SMAD9: variants seen among roughly 807,000 people sequenced by gnomAD.
SMAD9 encodes MAD homolog 9.
SMAD9 carries 36 observed loss-of-function variants against 46.1 expected under a neutral mutation model. The ratio of observed to expected loss-of-function variants is 0.78; its 90% CI spans 0.60 to 1.03. The LOEUF (loss-of-function observed/expected upper bound fraction) is 1.03, where lower values mean the gene tolerates loss of function less well. SMAD9 is among the 50% of genes least tolerant of loss of function. The pLI is 0.00. For synonymous variants in SMAD9, 245 were observed against 237.1 expected, an observed-to-expected ratio of 1.03 and a Z score of -0.31; for missense variants, 572 against 599.8, an observed-to-expected ratio of 0.95 and a Z score of 0.48.
Position 36,845,009 on chromosome 13 carries a change from AACTTGTCAT to A in SMAD9, c.*3658_*3666del, listed in dbSNP as rs2058029599. 6.6e-6 allele frequency: 1 copy of A among 152,120 alleles called. No homozygotes were observed. Among genetic ancestry groups the A allele is most frequent in the Non-Finnish European group, 1.5e-5 (1 of 68,028 alleles). 9.4% of individuals were successfully genotyped at this position (152,120 alleles called of 1,614,324 possible). A position where few individuals can be genotyped will look rare whatever the true frequency, so the allele number is the denominator to read the frequency against. ...ATTTAACATATGCTAGGATCACCTA[AACTTGTCAT>A]ACAGTTCTGCTATTAAAATCGTAAC... On this transcript the variant is annotated 3_prime_UTR_variant, in exon 7 of 7. Transcript: ENST00000379826.
chr13:36,912,268 T>C (rs1232528349), intron 1 of SMAD9, among the ~76,000 whole-genome samples: 1 of 152,094 alleles, frequency 6.6e-6, no homozygotes, highest in African/African-American at 2.4e-5. Flanking sequence ...CACCTTACCC[T>C]ACAAAAACCA....
At chr13:36,855,676 A>C (rs2058117428) in intron 5 of SMAD9, among the ~76,000 whole-genome samples, 1 of 152,214 alleles carries the variant, frequency 6.6e-6, no homozygotes, top group Non-Finnish European at 1.5e-5. Flanking sequence ...CGTTACTGAC[A>C]TAGCTGCTGG....
intron 3 of SMAD9, among the ~76,000 whole-genome samples, chr13:36,870,003 G>T (rs889186006): frequency 1.1e-4 from 16 of 152,092 alleles, no homozygotes; most frequent in African/African-American, 3.9e-4. Context: ...CCAGTAAATC[G>T]CAAAGGTTCC....
At chr13:36,897,807 T>TC (rs1172532468) in intron 1 of SMAD9, among the ~76,000 whole-genome samples, 1 of 151,808 alleles carries the variant, frequency 6.6e-6, no homozygotes, top group African/African-American at 2.4e-5. Flanking sequence ...TACCCAAAGT[T>TC]CATTAGTGGA....
At chr13:36,850,921 C>G (rs183166983) in intron 6 of SMAD9, among the ~76,000 whole-genome samples, 1 of 152,160 alleles carries the variant, frequency 6.6e-6, no homozygotes, top group Admixed American at 6.5e-5. Flanking sequence ...TTTTCTCCCA[C>G]GCCTGATCCG....
rs537064806 is a variant in SMAD9 at position 36,881,678 on chromosome 13, G to C, written c.-186-1803C>G. ...AGCTGCTCTTTTCGCTTGGCAGTTT[G>C]ACTTACACTCAGTTTTATTTGGAAA... On this transcript the variant is annotated intron_variant, in intron 1 of 6. Transcript: ENST00000379826. Among the ~76,000 whole-genome samples, 11 of 152,326 alleles carry C rather than the reference G, an allele frequency of 7.2e-5. 1 individual carries two copies. In the South Asian group the frequency reaches 2.3e-3, roughly 32 times the overall value.
At chr13:36,861,983 T>C (rs1036117538) in intron 5 of SMAD9, among the ~76,000 whole-genome samples, 2 of 151,292 alleles carry the variant, frequency 1.3e-5, no homozygotes, top group Admixed American at 6.6e-5. Context: ...TTAATCTCAA[T>C]AGAACAGCCA....
intron 1 of SMAD9, among the ~76,000 whole-genome samples, chr13:36,918,993 C>T (rs371170475): frequency 8.5e-5 from 13 of 152,252 alleles, no homozygotes; most frequent in African/African-American, 3.1e-4. Context: ...GGCAAGCCAC[C>T]GAAATGGTAC....
rs1448156968 is a variant in SMAD9 at position 36,845,929 on chromosome 13, C to G, written c.*2747G>C. The G allele has an allele frequency of 1.3e-5, 2 of 152,062 alleles. No homozygotes were observed. Among genetic ancestry groups the G allele is most frequent in the Non-Finnish European group, 2.9e-5 (2 of 68,026 alleles). The allele number at this position is 152,062 out of a possible 1,614,324, so 9.4% of individuals were successfully genotyped here. A position where few individuals can be genotyped will look rare whatever the true frequency, so the allele number is the denominator to read the frequency against. On this transcript the variant is annotated 3_prime_UTR_variant, in exon 7 of 7. Transcript: ENST00000379826. Reference sequence around the variant, plus strand: ...TCACTGCAATATTGTGTTCTGGCTTCCCAAAGCTGCAGGGAAATACAAGTT... The same window carrying G: ...TCACTGCAATATTGTGTTCTGGCTTGCCAAAGCTGCAGGGAAATACAAGTT...
Position 36,902,755 on chromosome 13 carries a change from C to T in SMAD9, c.-187+17361G>A, listed in dbSNP as rs570312988. On this transcript the variant is annotated intron_variant, in intron 1 of 6. Coordinates refer to ENST00000379826, the MANE Select transcript of SMAD9 (RefSeq NM_001127217.3). The stretch of plus-strand genomic sequence containing the variant: ...ACAGGCGTGAGCCACCGCACCCAGC[C>T]TTGCTCTTCTTTTTCAATGTTGTGT... Among the ~76,000 whole-genome samples, 4 of 152,306 alleles carry T rather than the reference C, an allele frequency of 2.6e-5. No homozygotes were observed. In the South Asian group the frequency reaches 6.2e-4, roughly 24 times the overall value.
Position 36,844,928 on chromosome 13 carries a change from C to T in SMAD9, c.*3748G>A, listed in dbSNP as rs2058029133. On this transcript the variant is annotated 3_prime_UTR_variant, in exon 7 of 7. Transcript: ENST00000379826. Reference sequence around the variant, plus strand: ...CAAGTTATTATAATAGAAAGCATGACTTCACTCAAATAGACAGTTTCTTTG... The same window carrying T: ...CAAGTTATTATAATAGAAAGCATGATTTCACTCAAATAGACAGTTTCTTTG... The T allele has an allele frequency of 6.6e-6, 1 of 152,124 alleles. No individual in the cohort carries two copies. The highest frequency in any genetic ancestry group is 1.5e-5 in the Non-Finnish European group (1 of 68,028). The allele number at this position is 152,124 out of a possible 1,614,324, so 9.4% of individuals were successfully genotyped here.
intron 1 of SMAD9, among the ~76,000 whole-genome samples, chr13:36,909,770 T>C (rs1399233075): frequency 6.6e-6 from 1 of 152,198 alleles, no homozygotes; most frequent in Non-Finnish European, 1.5e-5. Flanking sequence ...TGTGCAGAAG[T>C]ACTGAGGGGA....
intron 2 of SMAD9, among the ~76,000 whole-genome samples, chr13:36,874,197 A>G (rs937511199): frequency 6.6e-6 from 1 of 152,230 alleles, no homozygotes; most frequent in Non-Finnish European, 1.5e-5. Context: ...TCAAAGAGCT[A>G]CAAAGGACCT....
intron 2 of SMAD9, among the ~76,000 whole-genome samples, chr13:36,875,702 G>GA (rs1442755638): frequency 6.6e-6 from 1 of 152,152 alleles, no homozygotes; most frequent in Non-Finnish European, 1.5e-5. Context: ...ACTTCTTTAT[G>GA]AAGAAGAATT....
chr13:36,909,774 G>A (rs975249849), intron 1 of SMAD9, among the ~76,000 whole-genome samples: 7 of 152,220 alleles, frequency 4.6e-5, no homozygotes, highest in Admixed American at 4.6e-4. Flanking sequence ...CAGAAGTACT[G>A]AGGGGATGTG....
Position 36,872,907 on chromosome 13 carries a change from G to C in SMAD9, c.421C>G (p.Pro141Ala). ...TCACTGTGTCTTGGCACGAGCACAGGAGGCAGTACTAGGATCAGAAAGGAA... is the reference window on the plus strand; with the variant it reads ...TCACTGTGTCTTGGCACGAGCACAGCAGGCAGTACTAGGATCAGAAAGGAA... ...YRRVETPVLPPVLVPRHSEYN... is the reference protein window; with the variant it reads ...YRRVETPVLPAVLVPRHSEYN... The change falls in exon 3 of 7, where the codon CCT becomes GCT. Residue 141 changes from proline (P) to alanine (A), a missense_variant. Transcript: ENST00000379826. The C allele has an allele frequency of 6.2e-7, 1 of 1,614,138 alleles. No individual in the cohort carries two copies. Among genetic ancestry groups the C allele is most frequent in the Non-Finnish European group, 8.5e-7 (1 of 1,180,028 alleles).
chr13:36,849,120 A>G (rs1391879350), intron 6 of SMAD9, among the ~76,000 whole-genome samples: 3 of 152,166 alleles, frequency 2.0e-5, no homozygotes, highest in Non-Finnish European at 4.4e-5. Flanking sequence ...CCCTTCCACA[A>G]AGGAAGAAAC....
chr13:36,904,142 T>G (rs1251858629), intron 1 of SMAD9, among the ~76,000 whole-genome samples: 1 of 152,180 alleles, frequency 6.6e-6, no homozygotes, highest in African/African-American at 2.4e-5. Flanking sequence ...CATCTGTTTC[T>G]AGGTTCCATT....
intron 5 of SMAD9, among the ~76,000 whole-genome samples, chr13:36,854,761 TAA>T (rs1467607338): frequency 2.6e-5 from 4 of 152,136 alleles, no homozygotes; most frequent in Admixed American, 1.3e-4. Flanking sequence ...GAGGAAACAA[TAA>T]AAGACACTTA....
Sources: allele counts gnomAD v4.1 joint callset (sites outside exome capture counted in the v4.1 genomes callset), GRCh38; gene constraint gnomAD v4.1.1; transcripts MANE v1.5; gene names NCBI Gene and HGNC (gene_info 2026-07-23, HGNC 2026-07-21).